The following TMEM108 variants were observed in gnomAD, a reference collection of about 807,000 sequenced individuals.
The protein encoded by TMEM108 is cancer/testis antigen 124.
Under a neutral mutation model 35.1 loss-of-function variants are expected in TMEM108, and 12 were observed. The ratio of observed to expected loss-of-function variants is 0.34; its 90% CI spans 0.22 to 0.55. The LOEUF is 0.55. Ranked by LOEUF, TMEM108 falls within the 20% of genes least tolerant of loss-of-function variation. TMEM108 has a pLI of 0.89. For synonymous variants in TMEM108, 287 were observed against 308.6 expected (o/e 0.93, Z 0.73); for missense variants, 680 against 753.3 (o/e 0.90, Z 1.14).
At chr3:133,242,247 GA>G (rs1352131175) in intron 3 of TMEM108, among the ~76,000 whole-genome samples, 2 of 152,154 alleles carry the variant, frequency 1.3e-5, no homozygotes, top group Non-Finnish European at 2.9e-5. Context: ...TCCTTTGGGA[GA>G]CCACCATTCA....
intron 3 of TMEM108, chr3:133,378,685 C>G (rs2072914445): frequency 4.5e-6 from 1 of 223,666 alleles, no homozygotes; most frequent in Admixed American, 6.5e-5. Context: ...AAAATAGGCA[C>G]ATGCTATTGT....
intron 2 of TMEM108, among the ~76,000 whole-genome samples, chr3:133,141,693 C>T (rs1250075058): frequency 7.9e-5 from 12 of 152,128 alleles, no homozygotes; most frequent in Non-Finnish European, 1.5e-4. Context: ...ACAGTCCCTG[C>T]TGCTGGCACA....
intron 2 of TMEM108, among the ~76,000 whole-genome samples, chr3:133,105,016 A>G (rs1944132271): frequency 6.6e-6 from 1 of 152,226 alleles, no homozygotes; most frequent in East Asian, 1.9e-4. Flanking sequence ...TTAGAAGCCC[A>G]CAAGAGGCAT....
intron 2 of TMEM108, among the ~76,000 whole-genome samples, chr3:133,082,013 G>C (rs1943816965): frequency 1.3e-5 from 2 of 152,202 alleles, no homozygotes; most frequent in Non-Finnish European, 2.9e-5. Flanking sequence ...AGATCCTAAA[G>C]ACACCCACAG....
chr3:133,088,504 G>C (rs1943910163), intron 2 of TMEM108, among the ~76,000 whole-genome samples: 1 of 152,160 alleles, frequency 6.6e-6, no homozygotes, highest in East Asian at 1.9e-4. Flanking sequence ...TGCTACTGGG[G>C]CTGGCTTTTT....
intron 2 of TMEM108, among the ~76,000 whole-genome samples, chr3:133,227,032 G>A (rs1336507487): frequency 1.3e-5 from 2 of 151,936 alleles, no homozygotes; most frequent in Admixed American, 6.6e-5. Context: ...AGAACAGCAC[G>A]GGAAAGACCC....
intron 2 of TMEM108, among the ~76,000 whole-genome samples, chr3:133,094,189 GTCAT>G (rs1362584800): frequency 6.7e-6 from 1 of 150,330 alleles, no homozygotes; most frequent in Non-Finnish European, 1.5e-5. Context: ...CTCAATGTGA[GTCAT>G]TCTTTCTTTC....
chr3:133,353,239 GA>G (rs1222332214), intron 3 of TMEM108, among the ~76,000 whole-genome samples: 2 of 152,260 alleles, frequency 1.3e-5, no homozygotes, highest in Admixed American at 1.3e-4. Flanking sequence ...TGTTTTCAGG[GA>G]AGTCAGGGTA....
At chr3:133,075,079 G>A (rs773271449) in intron 2 of TMEM108, among the ~76,000 whole-genome samples, 9 of 151,990 alleles carry the variant, frequency 5.9e-5, no homozygotes, top group South Asian at 4.1e-4. Flanking sequence ...AACCTGCTGC[G>A]TCTCTTTGCT....
At chr3:133,232,494 A>C (rs1260631006) in intron 3 of TMEM108, among the ~76,000 whole-genome samples, 1 of 152,182 alleles carries the variant, frequency 6.6e-6, no homozygotes, top group Non-Finnish European at 1.5e-5. Flanking sequence ...AGCCTGCAGA[A>C]CTGTGAGCCA....
At chr3:133,171,029 T>A (rs890584866) in intron 2 of TMEM108, among the ~76,000 whole-genome samples, 2 of 152,192 alleles carry the variant, frequency 1.3e-5, no homozygotes, top group African/African-American at 2.4e-5. Flanking sequence ...TGAGTAGATA[T>A]TTTTTCATTG....
At chr3:133,074,670 G>T (rs940433897) in intron 2 of TMEM108, among the ~76,000 whole-genome samples, 5 of 152,256 alleles carry the variant, frequency 3.3e-5, no homozygotes, top group Admixed American at 3.3e-4. Context: ...TGTATTTTTA[G>T]TAGAGATGGG....
chr3:133,215,239 T>C (rs1052071549), intron 2 of TMEM108, among the ~76,000 whole-genome samples: 3 of 152,068 alleles, frequency 2.0e-5, no homozygotes, highest in African/African-American at 7.2e-5. Context: ...ATGAAGCTAA[T>C]CTACAGCATT....
intron 2 of TMEM108, among the ~76,000 whole-genome samples, chr3:133,170,367 A>T (rs949098797): frequency 6.6e-6 from 1 of 152,332 alleles, no homozygotes; most frequent in Middle Eastern, 3.4e-3. Flanking sequence ...AAAAACTTGA[A>T]ATTTTCTAAG....
chr3:133,176,665 G>C (rs534813891), intron 2 of TMEM108, among the ~76,000 whole-genome samples: 6 of 152,196 alleles, frequency 3.9e-5, no homozygotes, highest in Non-Finnish European at 7.4e-5. Flanking sequence ...CACATTCAAA[G>C]CAGTGTGTAG....
intron 3 of TMEM108, among the ~76,000 whole-genome samples, chr3:133,306,810 T>C (rs1181935830): frequency 6.6e-6 from 1 of 152,166 alleles, no homozygotes; most frequent in Non-Finnish European, 1.5e-5. Context: ...ATATTGTGAA[T>C]AATGCCACAG....
rs1945099517 is a variant in TMEM108 at position 133,169,674 on chromosome 3, A to G, written c.-46-59592A>G. Among the ~76,000 whole-genome samples the G allele has an allele frequency of 2.0e-5, 3 of 152,180 alleles. No individual in the cohort carries two copies. In the South Asian group the frequency reaches 6.2e-4, roughly 32 times the overall value. On this transcript the variant is annotated intron_variant, in intron 2 of 5. Transcript: ENST00000321871. ...TATTATAACCGGGGACAAAATGTGT[A>G]CCCCAGTTGAAAATTACCACTGTAG...
intron 2 of TMEM108, among the ~76,000 whole-genome samples, chr3:133,180,606 A>G (rs970212629): frequency 6.6e-6 from 1 of 152,160 alleles, no homozygotes; most frequent in African/African-American, 2.4e-5. Flanking sequence ...AATATTTAAT[A>G]TGTGTTTAAA....
At chr3:133,275,609 G>C (rs914613519) in intron 3 of TMEM108, among the ~76,000 whole-genome samples, 3 of 152,134 alleles carry the variant, frequency 2.0e-5, no homozygotes, top group Non-Finnish European at 4.4e-5. Context: ...CTTGAGGTTA[G>C]ATGGATAATT....
Sources: allele counts gnomAD v4.1 joint callset (sites outside exome capture counted in the v4.1 genomes callset), GRCh38; gene constraint gnomAD v4.1.1; transcripts MANE v1.5; gene names NCBI Gene and HGNC (gene_info 2026-07-23, HGNC 2026-07-21).